Variants in NEK6 observed in about 807,000 individuals in gnomAD.
NEK6 encodes the protein serine/threonine-protein kinase Nek6.
In NEK6, 27 loss-of-function variants were observed where a neutral mutation model predicts 43.5. The ratio of observed to expected loss-of-function variants is 0.62; its 90% CI spans 0.46 to 0.86. The LOEUF (loss-of-function observed/expected upper bound fraction) is 0.86, where lower values mean the gene tolerates loss of function less well. Ranked by LOEUF, NEK6 falls within the 40% of genes least tolerant of loss-of-function variation. The pLI is 0.00. For missense variants in NEK6, 318 were observed against 414.4 expected, an observed-to-expected ratio of 0.77 and a Z score of 2.02; for synonymous variants, 167 against 164.1, an observed-to-expected ratio of 1.02 and a Z score of -0.14.
At chr9:124,283,577 C>T (rs1387373861) in intron 1 of NEK6, among the ~76,000 whole-genome samples, 2 of 152,182 alleles carry the variant, frequency 1.3e-5, no homozygotes, top group Non-Finnish European at 2.9e-5. Flanking sequence ...TGGGTGCCAG[C>T]CCTGGCTCTG....
chr9:124,273,438 T>A (rs1831526819), intron 1 of NEK6, among the ~76,000 whole-genome samples: 1 of 152,082 alleles, frequency 6.6e-6, no homozygotes, highest in South Asian at 2.1e-4. Flanking sequence ...TGCCACTGAT[T>A]CTCAGGGCAG....
At chr9:124,340,209 G>C (rs564826824) in intron 8 of NEK6, among the ~76,000 whole-genome samples, 1 of 151,956 alleles carries the variant, frequency 6.6e-6, no homozygotes, top group South Asian at 2.1e-4. Flanking sequence ...GGCCTGCCTG[G>C]ACAAAGGGAC....
At chr9:124,273,953 C>G (rs567619094) in intron 1 of NEK6, among the ~76,000 whole-genome samples, 1 of 152,224 alleles carries the variant, frequency 6.6e-6, no homozygotes, top group African/African-American at 2.4e-5. Context: ...ATGGCCCCCC[C>G]ATTCCGTCTT....
chr9:124,297,211 C>T (rs1207748782), intron 1 of NEK6, among the ~76,000 whole-genome samples: 1 of 152,224 alleles, frequency 6.6e-6, no homozygotes. Flanking sequence ...CAAGTCCCTG[C>T]CTCAGGCCCC....
At chr9:124,313,865 T>C (rs1833676445) in intron 3 of NEK6, 58 bp from the exon 4 acceptor site, 2 of 1,593,632 alleles carry the variant, frequency 1.3e-6, no homozygotes, top group Admixed American at 3.3e-5. Context: ...CGTGGCCTCC[T>C]TTGGGTCACT....
chr9:124,297,777 C>T (rs1022493258), intron 1 of NEK6, among the ~76,000 whole-genome samples: 3 of 152,212 alleles, frequency 2.0e-5, no homozygotes, highest in Non-Finnish European at 4.4e-5. Context: ...ACGGGCAGTC[C>T]TCAGTGTTAC....
At chr9:124,260,513 C>A (rs966145567) in intron 1 of NEK6, among the ~76,000 whole-genome samples, 1 of 152,122 alleles carries the variant, frequency 6.6e-6, no homozygotes, top group African/African-American at 2.4e-5. Context: ...CCTGCCTCAG[C>A]CTCCTCCTGA....
intron 1 of NEK6, among the ~76,000 whole-genome samples, chr9:124,279,236 TG>T (rs1480625381): frequency 2.0e-5 from 3 of 150,860 alleles, no homozygotes; most frequent in Non-Finnish European, 4.4e-5. Flanking sequence ...CTGGGAAACA[TG>T]GGGCTAGATT....
In NEK6 at chr9:124,313,935, A is replaced by T; in HGVS notation, c.244A>T (p.Met82Leu). The change falls in exon 4 of 10, where the codon ATG becomes TTG. Residue 82 changes from methionine to leucine, a missense_variant. Physicochemically the swap from Met to Leu is conservative, Grantham distance 15. Transcript: ENST00000320246. ...ALKKVQIFEM[M>L]DAKARQDCVK... ...CCTCCCGCCCAAGATCTTTGAGATG[A>T]TGGACGCCAAGGCGAGGCAGGACTG... 1.2e-6 allele frequency: 2 copies of T among 1,614,108 alleles called. No individual in the cohort carries two copies. Among genetic ancestry groups the T allele is most frequent in the East Asian group, 2.2e-5 (1 of 44,874 alleles).
chr9:124,312,829 G>T (rs1180486197), intron 3 of NEK6, among the ~76,000 whole-genome samples, 180 bp downstream of exon 3: 1 of 152,240 alleles, frequency 6.6e-6, no homozygotes, highest in Non-Finnish European at 1.5e-5. Context: ...ACTGTGAACT[G>T]CAAAGGAAAA....
chr9:124,339,524 C>T (rs748922295), intron 7 of NEK6, 47 bp from the exon 8 acceptor site: 1 of 1,401,970 alleles, frequency 7.1e-7, no homozygotes, highest in Non-Finnish European at 1.0e-6. Context: ...TGCCCTGCCC[C>T]TGCCCTACAT....
At chr9:124,270,641 T>C (rs1831402272) in intron 1 of NEK6, among the ~76,000 whole-genome samples, 1 of 152,160 alleles carries the variant, frequency 6.6e-6, no homozygotes, top group Admixed American at 6.5e-5. Context: ...TCAGGGTGAG[T>C]GCAGACCTCA....
intron 1 of NEK6, among the ~76,000 whole-genome samples, chr9:124,272,642 A>T (rs1346216101): frequency 6.6e-6 from 1 of 152,162 alleles, no homozygotes; most frequent in Non-Finnish European, 1.5e-5. Flanking sequence ...GCAATGTGGG[A>T]GTTTTCCCCA....
In NEK6 at chr9:124,258,111, G is replaced by A. The variant is rs1452495653; in HGVS notation, c.-30+26G>A. Reference sequence around the variant, plus strand: ...GTGAGTCGCCTGGGGCTGGGGCCGGGCCGGTGGGGCCCCGCGGCCCGGAGA... The same window carrying A: ...GTGAGTCGCCTGGGGCTGGGGCCGGACCGGTGGGGCCCCGCGGCCCGGAGA... On this transcript the variant is annotated intron_variant, in intron 1 of 9. Coordinates refer to ENST00000320246, the MANE Select transcript of NEK6 (RefSeq NM_014397.6). The A allele has an allele frequency of 5.1e-6, 5 of 979,018 alleles. No homozygotes were observed. In the African/African-American group the frequency reaches 7.1e-5, roughly 14 times the overall value. The allele number at this position is 979,018 out of a possible 1,614,324, so 60.6% of individuals were successfully genotyped here.
upstream of NEK6, chr9:124,257,829 G>A (rs1830864625): frequency 3.5e-6 from 4 of 1,158,088 alleles, no homozygotes; most frequent in South Asian, 5.2e-5. Flanking sequence ...GCCCAGGAAG[G>A]ACGCCGCCGG....
rs1833592284 is a variant in NEK6 at position 124,312,595 on chromosome 9, G to A, written c.177G>A (p.Val59=). The A allele has an allele frequency of 6.2e-7, 1 of 1,613,996 alleles. No individual in the cohort carries two copies. Among genetic ancestry groups the A allele is most frequent in the African/African-American group, 1.3e-5 (1 of 74,946 alleles). Residue 59 remains valine, a synonymous_variant, in exon 3 of 10, where the codon GTG becomes GTA. Coordinates refer to ENST00000320246, the MANE Select transcript of NEK6 (RefSeq NM_014397.6). The stretch of plus-strand genomic sequence containing the variant: ...TAGGCCGAGGACAGTTCAGCGAGGT[G>A]TACAAGGCCACCTGCCTGCTGGACA... ...KKIGRGQFSE[V]YKATCLLDRK... is the part of the protein sequence containing the mutation.
At chr9:124,320,227 C>T (rs532199638) in intron 4 of NEK6, among the ~76,000 whole-genome samples, 24 of 152,296 alleles carry the variant, frequency 1.6e-4, no homozygotes, top group African/African-American at 5.3e-4. Context: ...CAGTGGGCGC[C>T]ATAGCAGACA....
intron 7 of NEK6, among the ~76,000 whole-genome samples, chr9:124,328,865 C>G (rs1341955049): frequency 1.3e-5 from 2 of 152,216 alleles, no homozygotes; most frequent in Non-Finnish European, 2.9e-5. Context: ...GCCTCAGGAG[C>G]TCTTCCTTTA....
intron 1 of NEK6, among the ~76,000 whole-genome samples, chr9:124,284,989 T>C (rs1832089198): frequency 6.6e-6 from 1 of 151,964 alleles, no homozygotes; most frequent in African/African-American, 2.4e-5. Context: ...TGCCACGGAG[T>C]AGTGGCACGT....
Sources: allele counts gnomAD v4.1 joint callset (sites outside exome capture counted in the v4.1 genomes callset), GRCh38; gene constraint gnomAD v4.1.1; transcripts MANE v1.5; gene names NCBI Gene and HGNC (gene_info 2026-07-23, HGNC 2026-07-21).